PCED1B: variants seen among roughly 807,000 people sequenced by gnomAD.
The protein encoded by PCED1B is PC-esterase domain-containing protein 1B.
For missense variants in PCED1B, 573 were observed against 573.9 expected (o/e 1.00, Z 0.02); for synonymous variants, 251 against 246.1 (o/e 1.02, Z -0.19).
chr12:47,223,851 C>T (rs1943558160), intron 3 of PCED1B: 1 of 152,100 alleles, frequency 6.6e-6, no homozygotes, highest in Non-Finnish European at 1.5e-5. Flanking sequence ...ATTATTAGGC[C>T]CCTGATGTAC....
chr12:47,232,992 A>C (rs1943857070), intron 3 of PCED1B, among the ~76,000 whole-genome samples: 1 of 151,900 alleles, frequency 6.6e-6, no homozygotes, highest in East Asian at 1.9e-4. Context: ...GCGGGAGTGA[A>C]GTAGCTGGAA....
intron 2 of PCED1B, among the ~76,000 whole-genome samples, chr12:47,159,809 G>C (rs560344552): frequency 4.6e-5 from 7 of 151,714 alleles, no homozygotes; most frequent in Admixed American, 1.3e-4. Context: ...TAAAATATTT[G>C]TCAAAACCAA....
At chr12:47,138,909 G>C (rs962291908) in intron 2 of PCED1B, among the ~76,000 whole-genome samples, 3 of 152,016 alleles carry the variant, frequency 2.0e-5, no homozygotes, top group African/African-American at 7.3e-5. Context: ...TGTGCCTTTG[G>C]GATAATGTTT....
At chr12:47,117,460 T>C (rs112550247) in intron 2 of PCED1B, among the ~76,000 whole-genome samples, 14,428 of 152,120 alleles carry the variant, frequency 0.095, 1,216 homozygotes, top group African/African-American at 0.23. Flanking sequence ...TGGTTTTCTG[T>C]CCATGCGACA....
chr12:47,224,055 G>A (rs1168410620), intron 3 of PCED1B: 1 of 152,214 alleles, frequency 6.6e-6, no homozygotes, highest in Non-Finnish European at 1.5e-5. Flanking sequence ...TTTCATTTGT[G>A]TTAAAGGGGT....
intron 3 of PCED1B, among the ~76,000 whole-genome samples, chr12:47,233,308 A>AT (rs1943868664): frequency 6.6e-6 from 1 of 151,836 alleles, no homozygotes; most frequent in African/African-American, 2.4e-5. Context: ...CGCCCGGCTA[A>AT]TTTTTTGTAT....
At chr12:47,217,510 A>AAGAAAGAAAGAAAGAAAGAC (rs1943326762) in intron 3 of PCED1B, among the ~76,000 whole-genome samples, 1 of 137,936 alleles carries the variant, frequency 7.2e-6, no homozygotes, top group African/African-American at 3.2e-5. Context: ...GAAAGAAAGA[A>AAGAAAGAAAGAAAGAAAGAC]AGAAAGAAGA....
chr12:47,236,228 TATC>T lies in PCED1B; in HGVS notation c.1167_1169del (p.Tyr389_Gln390delinsTer). The T allele has an allele frequency of 1.2e-6, 2 of 1,614,150 alleles. No individual in the cohort carries two copies. The highest frequency in any genetic ancestry group is 1.7e-6 in the Non-Finnish European group (2 of 1,180,016). On this transcript the variant is annotated stop_gained and inframe_deletion, in exon 4 of 4. Coordinates refer to ENST00000546455, the MANE Select transcript of PCED1B (RefSeq NM_138371.3). LOFTEE classifies it low-confidence loss of function (END_TRUNC). ...TATGCCCTTCTTCCCCACACCCCGT[TATC>T]AGCGGCCTGCCCCAGTGGTACATAG...
At chr12:47,099,676 C>T (rs1299544358) in intron 1 of PCED1B, among the ~76,000 whole-genome samples, 3 of 152,136 alleles carry the variant, frequency 2.0e-5, no homozygotes, top group Non-Finnish European at 2.9e-5. Context: ...TGTGAGATCT[C>T]CTAAAACTGA....
intron 1 of PCED1B, among the ~76,000 whole-genome samples, chr12:47,081,493 T>C (rs1041920552): frequency 6.6e-6 from 1 of 152,172 alleles, no homozygotes; most frequent in Non-Finnish European, 1.5e-5. Context: ...GACAACTTGA[T>C]TCAGATTAAT....
chr12:47,114,607 C>A (rs1330409872), intron 2 of PCED1B, among the ~76,000 whole-genome samples: 1 of 152,192 alleles, frequency 6.6e-6, no homozygotes, highest in African/African-American at 2.4e-5. Context: ...TGCCTCCCCA[C>A]TACTTCTGCT....
At chr12:47,109,083 T>A (rs1473488524) in intron 2 of PCED1B, among the ~76,000 whole-genome samples, 1 of 152,206 alleles carries the variant, frequency 6.6e-6, no homozygotes, top group Non-Finnish European at 1.5e-5. Context: ...TATTCTAGGT[T>A]GAATGAAAAT....
At chr12:47,092,599 G>A (rs1101751) in intron 1 of PCED1B, among the ~76,000 whole-genome samples, 110,891 of 151,856 alleles carry the variant, frequency 0.73, 40,917 homozygotes, top group African/African-American at 0.81. Context: ...CCCAGTTCCA[G>A]TCTTAGGGGG....
At chr12:47,172,503 A>G (rs1228702626) in intron 2 of PCED1B, among the ~76,000 whole-genome samples, 2 of 152,140 alleles carry the variant, frequency 1.3e-5, no homozygotes, top group African/African-American at 4.8e-5. Context: ...AAGGAAATCT[A>G]TGATTGCTAG....
At chr12:47,103,587 C>T (rs1029060427) in intron 1 of PCED1B, among the ~76,000 whole-genome samples, 3 of 146,724 alleles carry the variant, frequency 2.0e-5, no homozygotes, top group Non-Finnish European at 3.0e-5. Context: ...TTTGGTCAAA[C>T]CAATCAACCA....
At chr12:47,148,485 T>TC (rs1373295809) in intron 2 of PCED1B, among the ~76,000 whole-genome samples, 2 of 152,172 alleles carry the variant, frequency 1.3e-5, no homozygotes, top group Non-Finnish European at 2.9e-5. Flanking sequence ...ACCAAAGGTA[T>TC]CTGCTATAGC....
At chr12:47,109,228 G>A (rs1201077885) in intron 2 of PCED1B, among the ~76,000 whole-genome samples, 10 of 152,196 alleles carry the variant, frequency 6.6e-5, no homozygotes, top group Admixed American at 6.5e-4. Context: ...CTTGCATACT[G>A]CTGCCAGTCT....
At chr12:47,168,452 T>C (rs965242786) in intron 2 of PCED1B, among the ~76,000 whole-genome samples, 1 of 152,192 alleles carries the variant, frequency 6.6e-6, no homozygotes, top group African/African-American at 2.4e-5. Context: ...CAGGCTTCTA[T>C]TGATTTTCCT....
At chr12:47,226,297 C>G (rs1245599728) in intron 3 of PCED1B, among the ~76,000 whole-genome samples, 1 of 152,206 alleles carries the variant, frequency 6.6e-6, no homozygotes, top group Non-Finnish European at 1.5e-5. Context: ...GTCTCAGGTA[C>G]TTAATTTACA....
Sources: allele counts gnomAD v4.1 joint callset (sites outside exome capture counted in the v4.1 genomes callset), GRCh38; gene constraint gnomAD v4.1.1; transcripts MANE v1.5; gene names NCBI Gene and HGNC (gene_info 2026-07-23, HGNC 2026-07-21).